GALNT18: variants seen among roughly 807,000 people sequenced by gnomAD.
The protein encoded by GALNT18 is polypeptide N-acetylgalactosaminyltransferase 18, also known as GalNAc-transferase 18.
Under a neutral mutation model 69.5 loss-of-function variants are expected in GALNT18, and 44 were observed. That is an observed-to-expected ratio of 0.63 (90% CI 0.50 to 0.81). The LOEUF (loss-of-function observed/expected upper bound fraction) is 0.81. GALNT18 is among the 40% of genes least tolerant of loss of function. The pLI, the probability that GALNT18 is intolerant of heterozygous loss-of-function variation, is 0.00. For synonymous variants in GALNT18, 364 were observed against 318.2 expected (o/e 1.14, Z -1.53); for missense variants, 715 against 810.0 (o/e 0.88, Z 1.42).
At chr11:11,507,470 T>C (rs190397852) in intron 1 of GALNT18, among the ~76,000 whole-genome samples, 73 of 152,240 alleles carry the variant, frequency 4.8e-4, no homozygotes, top group African/African-American at 1.7e-3. Context: ...CTTTTCCTCC[T>C]ACTCTTCCTC....
At chr11:11,346,154 A>G (rs181793645) in intron 6 of GALNT18, among the ~76,000 whole-genome samples, 85 of 152,332 alleles carry the variant, frequency 5.6e-4, no homozygotes, top group Middle Eastern at 6.8e-3. Context: ...CTTTTTCTTC[A>G]TAACACTTAC....
chr11:11,406,974 G>A (rs772967911), intron 3 of GALNT18, among the ~76,000 whole-genome samples: 24 of 152,188 alleles, frequency 1.6e-4, no homozygotes, highest in Admixed American at 2.6e-4. Flanking sequence ...TGAGGGTCTC[G>A]GGGCCAGGTT....
intron 3 of GALNT18, among the ~76,000 whole-genome samples, chr11:11,414,805 T>C (rs1854816331): frequency 6.6e-6 from 1 of 152,186 alleles, no homozygotes; most frequent in South Asian, 2.1e-4. Flanking sequence ...CAAAATACTG[T>C]AAACTGAGCA....
At chr11:11,381,587 T>C (rs1332838926) in intron 3 of GALNT18, among the ~76,000 whole-genome samples, 1 of 152,182 alleles carries the variant, frequency 6.6e-6, no homozygotes, top group Non-Finnish European at 1.5e-5. Context: ...GGCTGGACCG[T>C]GACACAGCAG....
rs148617362 is a variant in GALNT18 at position 11,325,204 on chromosome 11, A to T, written c.1512+1882T>A. The stretch of plus-strand genomic sequence containing the variant: ...AAAGAAATAAAATAATGTCTTTTGC[A>T]GTAACTTGGATGAAGCTGGAGGCCA... On this transcript the variant is annotated intron_variant, in intron 9 of 10. Transcript: ENST00000227756. 5.4e-3 allele frequency among the ~76,000 whole-genome samples: 823 copies of T among 152,378 alleles called. 11 individuals are homozygous for T. Among genetic ancestry groups the T allele is most frequent in the African/African-American group, 0.019 (772 of 41,588 alleles).
rs1854490749 is a variant in GALNT18, at chr11:11,402,504, T to C, written c.596-23240A>G. ...GCAACAAAAAGCAAAATGATGAGCTTCTTTTGTCAAGGTGTCCATAGGCCT... is the reference window on the plus strand; with the variant it reads ...GCAACAAAAAGCAAAATGATGAGCTCCTTTTGTCAAGGTGTCCATAGGCCT... On this transcript the variant is annotated intron_variant, in intron 3 of 10. Transcript: ENST00000227756. The surrounding 1 kb of genome is among the most constrained non-coding windows in gnomAD (Gnocchi z 4.0). 6.6e-6 allele frequency among the ~76,000 whole-genome samples: 1 copy of C among 152,234 alleles called. No homozygotes were observed. The highest frequency in any genetic ancestry group is 2.4e-5 in the African/African-American group (1 of 41,464).
chr11:11,450,715 T>C (rs1365733031), intron 1 of GALNT18, among the ~76,000 whole-genome samples: 1 of 152,200 alleles, frequency 6.6e-6, no homozygotes, highest in Non-Finnish European at 1.5e-5. Context: ...ACTTGATGAG[T>C]GCTCACTCCT....
chr11:11,476,571 C>T (rs190407702), intron 1 of GALNT18: 7 of 152,282 alleles, frequency 4.6e-5, no homozygotes, highest in Admixed American at 2.0e-4. Flanking sequence ...TGGACAGCTC[C>T]GGTGACAAGG....
At chr11:11,399,443 A>T (rs1589970094) in intron 3 of GALNT18, among the ~76,000 whole-genome samples, 1 of 151,718 alleles carries the variant, frequency 6.6e-6, no homozygotes, top group East Asian at 1.9e-4. Flanking sequence ...GTGTCAAAAA[A>T]TGGCGATTCT....
At chr11:11,333,485 G>T (rs1850054622) in intron 7 of GALNT18, among the ~76,000 whole-genome samples, 2 of 152,172 alleles carry the variant, frequency 1.3e-5, no homozygotes, top group Admixed American at 1.3e-4. Flanking sequence ...ACTTGCCCAA[G>T]ACTCCACAAC....
intron 9 of GALNT18, among the ~76,000 whole-genome samples, chr11:11,313,932 A>G (rs1849709627): frequency 6.6e-6 from 1 of 152,204 alleles, no homozygotes; most frequent in Non-Finnish European, 1.5e-5. Context: ...TCCAGTTTGA[A>G]CGAGAGACCA....
At chr11:11,286,711 T>A (rs1157532858) in intron 10 of GALNT18, among the ~76,000 whole-genome samples, 2 of 152,132 alleles carry the variant, frequency 1.3e-5, no homozygotes, top group African/African-American at 2.4e-5. Context: ...CTGGAGATAC[T>A]GAAGTGTGAG....
intron 8 of GALNT18, among the ~76,000 whole-genome samples, chr11:11,330,346 G>A (rs189051969): frequency 6.6e-6 from 1 of 152,226 alleles, no homozygotes; most frequent in East Asian, 1.9e-4. Flanking sequence ...TTACCAGGAA[G>A]AATGATTCAG....
rs1859664069 is a variant in GALNT18, at chr11:11,602,846, T to G, written c.235+18513A>C. ...TTCACTTTGACCATATTTTCTGAAT[T>G]AAAAATAAGGGTGTATGGTCTGGCA... On this transcript the variant is annotated intron_variant, in intron 1 of 10. Coordinates refer to ENST00000227756, the MANE Select transcript of GALNT18 (RefSeq NM_198516.3). The surrounding 1 kb of genome is among the most constrained non-coding windows in gnomAD (Gnocchi z 4.7). 6.6e-6 allele frequency among the ~76,000 whole-genome samples: 1 copy of G among 152,188 alleles called. No individual in the cohort carries two copies. The highest frequency in any genetic ancestry group is 1.5e-5 in the Non-Finnish European group (1 of 68,028).
Position 11,562,147 on chromosome 11 carries a change from A to G in GALNT18, c.235+59212T>C, listed in dbSNP as rs1237153048. On this transcript the variant is annotated intron_variant, in intron 1 of 10. Coordinates refer to ENST00000227756, the MANE Select transcript of GALNT18 (RefSeq NM_198516.3). The surrounding 1 kb of genome is among the most constrained non-coding windows in gnomAD (Gnocchi z 4.1). ...AGACTGGGTGCCTTCAACAACAGATATTCATTCTCTCACAGTTCTGGGAGC... is the reference window on the plus strand; with the variant it reads ...AGACTGGGTGCCTTCAACAACAGATGTTCATTCTCTCACAGTTCTGGGAGC... Among the ~76,000 whole-genome samples the G allele has an allele frequency of 1.3e-5, 2 of 152,234 alleles. No homozygotes were observed. Among genetic ancestry groups the G allele is most frequent in the African/African-American group, 4.8e-5 (2 of 41,448 alleles).
At position 11,601,027 on chromosome 11, in the gene GALNT18, G is replaced by A. The variant is rs772022622; in HGVS notation, c.235+20332C>T. 3.9e-5 allele frequency among the ~76,000 whole-genome samples: 6 copies of A among 151,962 alleles called. No individual in the cohort carries two copies. The highest frequency in any genetic ancestry group is 5.9e-5 in the Non-Finnish European group (4 of 67,996). Reference sequence around the variant, plus strand: ...ATCTTTTTATTGGTATTACCTATTGGTAAGACATTTTCATGATGCCTTTAA... The same window carrying A: ...ATCTTTTTATTGGTATTACCTATTGATAAGACATTTTCATGATGCCTTTAA... On this transcript the variant is annotated intron_variant, in intron 1 of 10. Coordinates refer to ENST00000227756, the MANE Select transcript of GALNT18 (RefSeq NM_198516.3). The surrounding 1 kb of genome is among the most constrained non-coding windows in gnomAD (Gnocchi z 4.0).
rs4910316 is a variant in GALNT18, at chr11:11,314,231, T to A, written c.1512+12855A>T. Among the ~76,000 whole-genome samples, 1 of 152,068 alleles carries A rather than the reference T, an allele frequency of 6.6e-6. No individual in the cohort carries two copies. The highest frequency in any genetic ancestry group is 2.4e-5 in the African/African-American group (1 of 41,402). On this transcript the variant is annotated intron_variant, in intron 9 of 10. Transcript: ENST00000227756. This position sits in a 1 kb window ranked among gnomAD's most constrained non-coding sequence, Gnocchi z 5.2. ...TCTGGTTAGTGAGTCTGAACATTGG[T>A]CCACTGTGGAGCTGCTAATGACTGC...
At position 11,523,087 on chromosome 11, in the gene GALNT18, GC is replaced by G. The variant is rs1385264930; in HGVS notation, c.236-74152del. ...ATTTACATGCTTTTTCTTATTACAA[GC>G]CCTTTCATTATGTCCGCAAGATCAA... is the stretch of plus-strand genomic sequence containing the variant. On this transcript the variant is annotated intron_variant, in intron 1 of 10. Transcript: ENST00000227756. This position sits in a 1 kb window ranked among gnomAD's most constrained non-coding sequence, Gnocchi z 4.3. Among the ~76,000 whole-genome samples the G allele has an allele frequency of 6.6e-6, 1 of 152,202 alleles. No individual in the cohort carries two copies. The highest frequency in any genetic ancestry group is 1.5e-5 in the Non-Finnish European group (1 of 68,040).
At chr11:11,319,954 C>A (rs534146242) in intron 9 of GALNT18, among the ~76,000 whole-genome samples, 9 of 152,094 alleles carry the variant, frequency 5.9e-5, no homozygotes, top group Non-Finnish European at 5.9e-5. Context: ...GCTTTATGTG[C>A]ATTGATTTAT....
Sources: allele counts gnomAD v4.1 joint callset (sites outside exome capture counted in the v4.1 genomes callset), GRCh38; gene constraint gnomAD v4.1.1; non-coding constraint Gnocchi (gnomAD v3.1); transcripts MANE v1.5; gene names NCBI Gene and HGNC (gene_info 2026-07-23, HGNC 2026-07-21).